TGM6: variants seen among roughly 807,000 people sequenced by gnomAD.
TGM6 encodes transglutaminase 6, also known as protein-glutamine gamma-glutamyltransferase 6.
Under a neutral mutation model 77.5 loss-of-function variants are expected in TGM6, and 74 were observed. That is an observed-to-expected ratio of 0.96 (90% CI 0.79 to 1.16). The LOEUF (loss-of-function observed/expected upper bound fraction) is 1.16. Ranked by LOEUF, TGM6 falls within the 50% of genes most tolerant of loss-of-function variation. The probability of loss-of-function intolerance (pLI) is 0.00; values close to 1 mark genes in which losing one functional copy is unlikely to be tolerated. For missense variants in TGM6, 968 were observed against 940.2 expected, an observed-to-expected ratio of 1.03 and a Z score of -0.39; for synonymous variants, 383 against 378.9, an observed-to-expected ratio of 1.01 and a Z score of -0.12.
intron 10 of TGM6, among the ~76,000 whole-genome samples, chr20:2,418,138 G>A (rs1456208615): frequency 6.6e-6 from 1 of 152,028 alleles, no homozygotes; most frequent in Non-Finnish European, 1.5e-5. Context: ...TCAACCTCCT[G>A]AGTAGCTGGG....
chr20:2,430,254 GT>G (rs1474474220), intron 10 of TGM6, among the ~76,000 whole-genome samples, 191 bp from the exon 11 acceptor site: 2 of 152,148 alleles, frequency 1.3e-5, no homozygotes, highest in African/African-American at 4.8e-5. Flanking sequence ...TCCTATATGA[GT>G]TTGAACAGGA....
At chr20:2,423,833 C>T (rs1235403866) in intron 10 of TGM6, among the ~76,000 whole-genome samples, 2 of 152,162 alleles carry the variant, frequency 1.3e-5, no homozygotes, top group Admixed American at 6.5e-5. Context: ...GTTAAAATTA[C>T]TCATTGATTC....
intron 10 of TGM6, among the ~76,000 whole-genome samples, chr20:2,422,949 C>CAAAAA (rs3050737): frequency 7.9e-5 from 9 of 113,402 alleles, no homozygotes; most frequent in East Asian, 2.7e-4. Flanking sequence ...GACTCTTTCT[C>CAAAAA]AAAAAAAAAA....
chr20:2,415,770 C>T (rs1387624170), intron 9 of TGM6, among the ~76,000 whole-genome samples: 9 of 152,114 alleles, frequency 5.9e-5, no homozygotes, highest in Non-Finnish European at 7.4e-5. Flanking sequence ...AATGCTGCTG[C>T]GCAGTTGGTG....
At chr20:2,396,663 G>A in intron 4 of TGM6, 39 bp downstream of exon 4, 2 of 1,596,978 alleles carry the variant, frequency 1.3e-6, no homozygotes, top group Non-Finnish European at 1.7e-6. Context: ...TGTGGGCTGG[G>A]GCATGGGGAG....
intron 9 of TGM6, among the ~76,000 whole-genome samples, chr20:2,404,773 T>A (rs2122378949): frequency 6.6e-6 from 1 of 152,196 alleles, no homozygotes; most frequent in Middle Eastern, 3.4e-3. Flanking sequence ...CCCAAGTAGC[T>A]GGGATTACAG....
At chr20:2,429,480 AC>A (rs1440888591) in intron 10 of TGM6, among the ~76,000 whole-genome samples, 3 of 149,626 alleles carry the variant, frequency 2.0e-5, no homozygotes, top group African/African-American at 7.5e-5. Flanking sequence ...AAAAAAAAAA[AC>A]AAATATGGTC....
rs978685218 is a variant in TGM6 at position 2,430,601 on chromosome 20, G to T, written c.1833+1G>T. 6.2e-7 allele frequency: 1 copy of T among 1,614,040 alleles called. No individual in the cohort carries two copies. ...TCTAGAGGACTTCATCACCATCAAG[G>T]TGACCTCAGCCTGCATCTACCATGC... On this transcript the variant is annotated splice_donor_variant, in intron 11 of 12. Coordinates refer to ENST00000202625, the MANE Select transcript of TGM6 (RefSeq NM_198994.3). LOFTEE classifies it high-confidence loss of function.
At chr20:2,398,751 C>T (rs752548702) in intron 5 of TGM6, among the ~76,000 whole-genome samples, 3 of 152,098 alleles carry the variant, frequency 2.0e-5, no homozygotes, top group South Asian at 2.1e-4. Flanking sequence ...CCCACCTCTC[C>T]GTGGGAGGCA....
At chr20:2,414,793 T>A (rs1443859429) in intron 9 of TGM6, among the ~76,000 whole-genome samples, 1 of 151,782 alleles carries the variant, frequency 6.6e-6, no homozygotes, top group Non-Finnish European at 1.5e-5. Context: ...AGCGGAAAAA[T>A]TTCACAAAAG....
intron 6 of TGM6, 32 bp downstream of exon 6, chr20:2,399,770 T>C: frequency 6.3e-7 from 1 of 1,582,584 alleles, no homozygotes; most frequent in Non-Finnish European, 8.6e-7. Flanking sequence ...CCAGGGTACC[T>C]GTGCCCCCAG....
At chr20:2,395,976 T>C (rs575262259) in intron 3 of TGM6, among the ~76,000 whole-genome samples, 15 of 149,552 alleles carry the variant, frequency 1.0e-4, no homozygotes, top group Non-Finnish European at 2.1e-4. Context: ...AGGTGGGGAG[T>C]TCAAGACCAG....
At position 2,427,861 on chromosome 20, in the gene TGM6, T is replaced by G. The variant is rs113628976; in HGVS notation, c.1679-2585T>G. ...GCCTCAACTTCCCAGGCTCAGGTGA[T>G]TCTCCCTCCTCAGCCTCCCAAGTAG... is the stretch of plus-strand genomic sequence containing the variant. On this transcript the variant is annotated intron_variant, in intron 10 of 12. Coordinates refer to ENST00000202625, the MANE Select transcript of TGM6 (RefSeq NM_198994.3). 6.8e-3 allele frequency among the ~76,000 whole-genome samples: 1,029 copies of G among 152,230 alleles called. 15 individuals are homozygous for G. The highest frequency in any genetic ancestry group is 0.023 in the African/African-American group (972 of 41,528).
intron 1 of TGM6, among the ~76,000 whole-genome samples, chr20:2,387,384 C>T (rs1216385681): frequency 6.6e-6 from 1 of 152,178 alleles, no homozygotes; most frequent in Non-Finnish European, 1.5e-5. Context: ...TGTTCCAGCT[C>T]GTGCCACATG....
At chr20:2,381,112 CT>C (rs1167018669) in intron 1 of TGM6, 137 bp downstream of exon 1, 1 of 1,307,214 alleles carries the variant, frequency 7.6e-7, no homozygotes, top group East Asian at 2.5e-5. Context: ...AACACATGAA[CT>C]CTTCGTGTGG....
intron 1 of TGM6, among the ~76,000 whole-genome samples, chr20:2,387,806 G>A (rs548680560): frequency 3.2e-4 from 49 of 152,334 alleles, no homozygotes; most frequent in East Asian, 1.7e-3. Context: ...GACAGCTTGC[G>A]TCTGCATCAG....
At chr20:2,400,259 T>C in intron 6 of TGM6, 47 bp from the exon 7 acceptor site, 1 of 1,612,136 alleles carries the variant, frequency 6.2e-7, no homozygotes, top group Non-Finnish European at 8.5e-7. Context: ...CAGGCCCCTC[T>C]CTCAGGGGCC....
intron 3 of TGM6, 82 bp downstream of exon 3, chr20:2,395,518 G>A: frequency 1.2e-6 from 2 of 1,611,258 alleles, no homozygotes; most frequent in Non-Finnish European, 1.7e-6. Context: ...GGGCCTGGGA[G>A]GTGGGTTAAA....
intron 10 of TGM6, among the ~76,000 whole-genome samples, chr20:2,425,844 A>G (rs1427512060): frequency 2.0e-5 from 3 of 152,202 alleles, no homozygotes; most frequent in African/African-American, 4.8e-5. Flanking sequence ...ATTTATCTGT[A>G]TCTTTTCTTC....
Sources: gnomAD v4.1 joint callset for allele counts (sites outside exome capture counted in the v4.1 genomes callset) on GRCh38, gnomAD v4.1.1 for gene constraint, MANE v1.5 for transcripts, NCBI Gene and HGNC (gene_info 2026-07-23, HGNC 2026-07-21) for gene names.